The following TRMT11 variants were observed in gnomAD, a reference collection of about 807,000 sequenced individuals.
TRMT11 encodes the protein tRNA methyltransferase 11, also known as tRNA (guanine(10)-N(2))-methyltransferase TRMT11.
In TRMT11, 53 loss-of-function variants were observed where a neutral mutation model predicts 62.8. The observed-to-expected ratio is 0.84, with a 90% CI of 0.68 to 1.06. The LOEUF (loss-of-function observed/expected upper bound fraction) is 1.06, where lower values mean the gene tolerates loss of function less well. TRMT11 is among the 50% of genes least tolerant of loss of function. The probability of loss-of-function intolerance (pLI) is 0.00; values close to 1 mark genes in which losing one functional copy is unlikely to be tolerated. For missense variants in TRMT11, 556 were observed against 553.4 expected (o/e 1.00, Z -0.05); for synonymous variants, 188 against 190.3 (o/e 0.99, Z 0.10).
At chr6:126,123,675 C>G (rs1007519916) in intron 21 of TRMT11, among the ~76,000 whole-genome samples, 1 of 151,932 alleles carries the variant, frequency 6.6e-6, no homozygotes, top group African/African-American at 2.4e-5. Context: ...AATGGATAAT[C>G]AAGTAAACAG....
intron 17 of TRMT11, among the ~76,000 whole-genome samples, chr6:126,058,459 A>G (rs1776434107): frequency 6.6e-6 from 1 of 152,182 alleles, no homozygotes; most frequent in Admixed American, 6.5e-5. Flanking sequence ...ATAATCCTTT[A>G]GTTATATACC....
chr6:126,119,043 A>T (rs1777619110), intron 21 of TRMT11, among the ~76,000 whole-genome samples: 1 of 152,108 alleles, frequency 6.6e-6, no homozygotes, highest in African/African-American at 2.4e-5. Flanking sequence ...TTCCATAGAG[A>T]TCTGGATCCA....
chr6:126,050,462 A>T (rs1484392042), intron 16 of TRMT11, among the ~76,000 whole-genome samples: 1 of 152,048 alleles, frequency 6.6e-6, no homozygotes, highest in African/African-American at 2.4e-5. Context: ...CAGAGCTTTG[A>T]GAGGCTGAGG....
At chr6:126,263,834 T>C in the TRMT11 span, among the ~76,000 whole-genome samples, 2 of 152,232 alleles carry the variant, frequency 1.3e-5, no homozygotes, top group South Asian at 2.1e-4. Flanking sequence ...AAAGAGACTT[T>C]GATTAAATTT....
In TRMT11 at chr6:125,990,374, A is replaced by G. The variant is rs75703938; in HGVS notation, c.73-3383A>G. Among the ~76,000 whole-genome samples the G allele has an allele frequency of 6.6e-3, 1,000 of 152,308 alleles. 12 individuals are homozygous for G. The highest frequency in any genetic ancestry group is 0.023 in the African/African-American group (945 of 41,556). ...TTTGTGTTCTGATTCCCAGGTACTC[A>G]CAGAGTGTAGCTTTTTGACATCCTA... On this transcript the variant is annotated intron_variant, in intron 1 of 12. Transcript: ENST00000334379.
chr6:126,150,827 C>T (rs1339794595), intron 21 of TRMT11, among the ~76,000 whole-genome samples: 1 of 152,192 alleles, frequency 6.6e-6, no homozygotes, highest in Admixed American at 6.5e-5. Context: ...TCACCAGCAC[C>T]CTTCTAGGAA....
intron 17 of TRMT11, among the ~76,000 whole-genome samples, chr6:126,058,009 A>T (rs1776420338): frequency 6.6e-6 from 1 of 151,116 alleles, no homozygotes; most frequent in Admixed American, 6.6e-5. Flanking sequence ...CAGAATGTGC[A>T]GCATTGTTAC....
chr6:126,019,739 C>T (rs1229960455), intron 11 of TRMT11, among the ~76,000 whole-genome samples: 1 of 152,028 alleles, frequency 6.6e-6, no homozygotes, highest in African/African-American at 2.4e-5. Flanking sequence ...CTACTGTACT[C>T]CAGCCTCGGC....
intron 7 of TRMT11, among the ~76,000 whole-genome samples, chr6:126,003,264 G>T (rs1315766859): frequency 1.3e-5 from 2 of 152,028 alleles, no homozygotes; most frequent in African/African-American, 4.8e-5. Flanking sequence ...AACGTTATGA[G>T]AATTTTTGCA....
At chr6:126,094,600 A>C (rs1385318163) in intron 17 of TRMT11, among the ~76,000 whole-genome samples, 1 of 152,196 alleles carries the variant, frequency 6.6e-6, no homozygotes, top group Non-Finnish European at 1.5e-5. Flanking sequence ...TCTCAGAGGC[A>C]AGACTATTTC....
At chr6:126,011,466 TCATTTA>T in intron 9 of TRMT11, 49 bp downstream of exon 9, 1 of 1,509,254 alleles carries the variant, frequency 6.6e-7, no homozygotes, top group Non-Finnish European at 9.1e-7. Context: ...TTTTGTAAAA[TCATTTA>T]CATTTAAAGT....
At chr6:126,226,858 G>A in the TRMT11 span, among the ~76,000 whole-genome samples, 1 of 152,158 alleles carries the variant, frequency 6.6e-6, no homozygotes, top group African/African-American at 2.4e-5. Context: ...GGACCCAGTA[G>A]GAGGTAATAG....
At chr6:126,031,555 G>A (rs1241722486) in intron 12 of TRMT11, among the ~76,000 whole-genome samples, 1 of 152,162 alleles carries the variant, frequency 6.6e-6, no homozygotes, top group Non-Finnish European at 1.5e-5. Flanking sequence ...AAAGAGATGG[G>A]GAATTTGGTT....
chr6:126,026,394 A>T (rs60671199), intron 12 of TRMT11, among the ~76,000 whole-genome samples: 18,393 of 149,234 alleles, frequency 0.12, 3,622 homozygotes, highest in African/African-American at 0.42. Context: ...TTTTTTTTTA[A>T]TTTTTTTTTT....
intron 17 of TRMT11, among the ~76,000 whole-genome samples, chr6:126,065,106 C>T (rs749806377): frequency 2.6e-5 from 4 of 152,044 alleles, no homozygotes; most frequent in Non-Finnish European, 4.4e-5. Flanking sequence ...ACTCACAAAA[C>T]GTGAACCATT....
At chr6:126,272,071 T>G in the TRMT11 span, among the ~76,000 whole-genome samples, 1 of 152,142 alleles carries the variant, frequency 6.6e-6, no homozygotes, top group Non-Finnish European at 1.5e-5. Context: ...AAGTAAAAAA[T>G]GTACATAGTT....
the TRMT11 span, among the ~76,000 whole-genome samples, chr6:126,267,803 G>A: frequency 6.6e-6 from 1 of 152,122 alleles, no homozygotes; most frequent in Admixed American, 6.5e-5. Context: ...TTACAGTCTG[G>A]CCCACTAAGA....
intron 21 of TRMT11, among the ~76,000 whole-genome samples, chr6:126,138,203 A>G (rs1777875037): frequency 6.6e-6 from 1 of 151,984 alleles, no homozygotes; most frequent in Admixed American, 6.6e-5. Flanking sequence ...GTATATGTAT[A>G]TTAAAATACC....
the TRMT11 span, among the ~76,000 whole-genome samples, chr6:126,210,130 A>AT: frequency 1.3e-5 from 2 of 152,192 alleles, no homozygotes; most frequent in South Asian, 2.1e-4. Flanking sequence ...TAGTAAGATG[A>AT]TTTTTTGTTA....
Sources: allele counts gnomAD v4.1 joint callset (sites outside exome capture counted in the v4.1 genomes callset), GRCh38; gene constraint gnomAD v4.1.1; transcripts MANE v1.5; gene names NCBI Gene and HGNC (gene_info 2026-07-23, HGNC 2026-07-21).